The following MORC4 variants were observed in gnomAD, a reference collection of about 807,000 sequenced individuals.
MORC4 encodes the protein MORC family CW-type zinc finger 4.
MORC4 carries 22 observed loss-of-function variants against 65.5 expected under a neutral mutation model. That is an observed-to-expected ratio of 0.34 (90% CI 0.24 to 0.48). The LOEUF (loss-of-function observed/expected upper bound fraction) is 0.48. Ranked by LOEUF, MORC4 falls within the 20% of genes least tolerant of loss-of-function variation. The pLI is 0.99. For missense variants in MORC4, 624 were observed against 703.0 expected, an observed-to-expected ratio of 0.89 and a Z score of 1.27; for synonymous variants, 267 against 255.8, an observed-to-expected ratio of 1.04 and a Z score of -0.42.
At chrX:106,984,465 C>CTTTTTTTTTTTTT (rs762110163) in intron 5 of MORC4, among the ~76,000 whole-genome samples, 2 of 71,388 alleles carry the variant, frequency 2.8e-5, no homozygotes, top group Non-Finnish European at 5.0e-5. Context: ...TTTCTTTTTT[C>CTTTTTTTTTTTTT]TTTTTTTTTT....
At chrX:106,957,678 T>G (rs1335968440) in intron 11 of MORC4, among the ~76,000 whole-genome samples, 1 of 111,722 alleles carries the variant, frequency 9.0e-6, no homozygotes, top group African/African-American at 3.3e-5. Flanking sequence ...AGACACTATT[T>G]AGATGTTGGA....
intron 1 of MORC4, 25 bp from the exon 2 acceptor site, chrX:106,999,774 C>G (rs777339337): frequency 9.5e-7 from 1 of 1,049,954 alleles, no homozygotes; most frequent in Admixed American, 4.1e-5. Context: ...AGGTCCCGAC[C>G]CGCGTGAGGC....
At position 106,990,928 on chromosome X, in the gene MORC4, T is replaced by A. The variant is rs139094530; in HGVS notation, c.308+2302A>T. ...GTATCTTCTAGCTGATTCAAGTTTG[T>A]TTCAAGATACAATCACAAATAAAAT... On this transcript the variant is annotated intron_variant, in intron 3 of 16. Coordinates refer to ENST00000355610, the MANE Select transcript of MORC4 (RefSeq NM_024657.5). 2.9e-3 allele frequency among the ~76,000 whole-genome samples: 326 copies of A among 111,525 alleles called. 2 individuals are homozygous for A. The highest frequency in any genetic ancestry group is 9.7e-3 in the African/African-American group (299 of 30,687).
At chrX:106,955,340 C>G (rs1177295341) in intron 13 of MORC4, among the ~76,000 whole-genome samples, 1 of 109,988 alleles carries the variant, frequency 9.1e-6, no homozygotes, top group Non-Finnish European at 1.9e-5. Flanking sequence ...TATCCCACCC[C>G]CAATATAAAC....
At chrX:106,962,767 A>C (rs73533055) in intron 9 of MORC4, among the ~76,000 whole-genome samples, 7,285 of 111,658 alleles carry the variant, frequency 0.065, 635 homozygotes, top group African/African-American at 0.23. Context: ...GGTCAACAAA[A>C]ATGTAATTTG....
At position 106,951,638 on chromosome X, in the gene MORC4, G is replaced by A. The variant is rs1425626850; in HGVS notation, c.1685+3275C>T. On this transcript the variant is annotated intron_variant, in intron 14 of 16. Transcript: ENST00000355610. ...TCCTGTCTCAGCCTCCCAAGTGCTG[G>A]TATAAGAGGCGTGAGGTACTGCACC... Among the ~76,000 whole-genome samples, 4 of 111,285 alleles carry A rather than the reference G, an allele frequency of 3.6e-5. No individual in the cohort carries two copies. In the Admixed American group the frequency reaches 3.8e-4, roughly 11 times the overall value.
At chrX:106,976,247 T>C (rs1276125392) in intron 9 of MORC4, among the ~76,000 whole-genome samples, 1 of 111,719 alleles carries the variant, frequency 9.0e-6, no homozygotes, top group Non-Finnish European at 1.9e-5. Context: ...ACTGCTTTTT[T>C]TTATCCAATG....
rs1933740466 is a variant in MORC4 at position 106,943,165 on chromosome X, G to A, written c.1726C>T (p.Arg576Ter). Reference protein sequence around the residue: ...WILGEEPVEKRRRLQNEMTTP... With the variant: ...WILGEEPVEK ...GTCATCTCATTCTGGAGCCTTCTTC[G>A]TTTCTCCACCGGTTCTTCACCTAGG... The change falls in exon 15 of 17, where the codon CGA becomes TGA. Residue 576 changes from arginine (R) to a stop codon, truncating the protein, a stop_gained. Coordinates refer to ENST00000355610, the MANE Select transcript of MORC4 (RefSeq NM_024657.5). LOFTEE classifies it high-confidence loss of function. 1.7e-6 allele frequency: 2 copies of A among 1,207,437 alleles called. No homozygotes were observed. Among genetic ancestry groups the A allele is most frequent in the Non-Finnish European group, 2.2e-6 (2 of 892,161 alleles).
At position 106,963,891 on chromosome X, in the gene MORC4, AC is replaced by A. The variant is rs202219594; in HGVS notation, c.1158-1782del. ...CAACATAACAAAAACAACAACAACA[AC>A]AAAAAAAAACCCAGCAAACCCTAGG... On this transcript the variant is annotated intron_variant, in intron 9 of 16. Transcript: ENST00000355610. 8.2e-3 allele frequency among the ~76,000 whole-genome samples: 881 copies of A among 106,911 alleles called. 7 individuals are homozygous for A. Among genetic ancestry groups the A allele is most frequent in the African/African-American group, 0.029 (838 of 29,244 alleles). 92.8% of individuals were successfully genotyped at this position (106,911 alleles called of 115,157 possible).
intron 9 of MORC4, among the ~76,000 whole-genome samples, chrX:106,969,661 C>A (rs1041227647): frequency 1.3e-4 from 15 of 112,009 alleles, no homozygotes; most frequent in Non-Finnish European, 2.4e-4. Context: ...ACCAATCCCA[C>A]AGAAATACAA....
At chrX:106,993,450 A>G (rs923492789) in intron 2 of MORC4, 88 bp from the exon 3 acceptor site, 180 of 945,289 alleles carry the variant, frequency 1.9e-4, no homozygotes, top group Non-Finnish European at 2.5e-4. Context: ...GACATAAGAA[A>G]TGTCCTTTAT....
At chrX:106,974,943 C>G (rs1934592973) in intron 9 of MORC4, among the ~76,000 whole-genome samples, 1 of 111,646 alleles carries the variant, frequency 9.0e-6, no homozygotes, top group African/African-American at 3.3e-5. Context: ...GAATAGTATA[C>G]TAGTTCCCTG....
At chrX:106,998,128 T>G (rs1935111259) in intron 2 of MORC4, among the ~76,000 whole-genome samples, 1 of 112,213 alleles carries the variant, frequency 8.9e-6, no homozygotes, top group African/African-American at 3.2e-5. Context: ...AATTAATGCT[T>G]AAGTGGAGAA....
intron 9 of MORC4, among the ~76,000 whole-genome samples, chrX:106,967,661 G>A (rs1009882627): frequency 1.4e-4 from 16 of 112,184 alleles, no homozygotes; most frequent in African/African-American, 5.2e-4. Context: ...TGAGAACTTC[G>A]TGAAGCATAC....
chrX:106,978,647 T>C (rs1304210423), intron 7 of MORC4, among the ~76,000 whole-genome samples: 1 of 110,136 alleles, frequency 9.1e-6, no homozygotes, highest in African/African-American at 3.3e-5. Flanking sequence ...CACACATGCA[T>C]AGAAAGACTG....
chrX:106,962,099 T>C lies in MORC4; in HGVS notation c.1169A>G (p.Asn390Ser), dbSNP rs922146019. 23 of 1,198,495 alleles carry C rather than the reference T, an allele frequency of 1.9e-5. No individual in the cohort carries two copies. The highest frequency in any genetic ancestry group is 2.4e-5 in the Non-Finnish European group (21 of 885,580). ...EYTKEYRLTI[N>S]ALAQKLNAYW... is the part of the protein sequence containing the mutation. ...AGCATTGAGCTTCTGGGCAAGGGCA[T>C]TTATTGTTAGCCTGAAAGAAAATGC... Residue 390 changes from asparagine to serine, a missense_variant, in exon 10 of 17, where the codon AAT becomes AGT. Asn to Ser is a conservative substitution (Grantham distance 46). Transcript: ENST00000355610.
intron 2 of MORC4, among the ~76,000 whole-genome samples, chrX:106,993,677 A>C (rs1935024385): frequency 8.9e-6 from 1 of 112,093 alleles, no homozygotes; most frequent in South Asian, 3.7e-4. Flanking sequence ...ATTTTGCTCC[A>C]TTTTTGTCTT....
At chrX:106,943,271 G>A in intron 14 of MORC4, 66 bp from the exon 15 acceptor site, 2 of 895,265 alleles carry the variant, frequency 2.2e-6, no homozygotes, top group Non-Finnish European at 3.1e-6. Context: ...TGATCCTATG[G>A]AGCCCCAACT....
intron 9 of MORC4, among the ~76,000 whole-genome samples, chrX:106,967,789 C>T (rs1032489366): frequency 4.5e-5 from 5 of 111,907 alleles, no homozygotes; most frequent in Non-Finnish European, 9.4e-5. Context: ...AAGAAACAAA[C>T]AAAGCCTCCA....
Sources: gnomAD v4.1 joint callset for allele counts (sites outside exome capture counted in the v4.1 genomes callset) on GRCh38, gnomAD v4.1.1 for gene constraint, MANE v1.5 for transcripts, NCBI Gene and HGNC (gene_info 2026-07-23, HGNC 2026-07-21) for gene names.